Variants in LMBR1 observed in about 807,000 individuals in gnomAD.
LMBR1 encodes the protein limb region 1 protein homolog.
A neutral mutation model predicts 73.9 loss-of-function variants in LMBR1; 52 were observed. That is an observed-to-expected ratio of 0.70 (90% CI 0.56 to 0.89). The LOEUF (loss-of-function observed/expected upper bound fraction) is 0.89, where lower values mean the gene tolerates loss of function less well. Ranked by LOEUF, LMBR1 falls within the 40% of genes least tolerant of loss-of-function variation. The pLI is 0.00. For synonymous variants in LMBR1, 215 were observed against 209.4 expected (o/e 1.03, Z -0.23); for missense variants, 539 against 579.8 (o/e 0.93, Z 0.72).
At chr7:156,730,527 C>G (rs1042808152) in intron 10 of LMBR1, among the ~76,000 whole-genome samples, 1 of 152,182 alleles carries the variant, frequency 6.6e-6, no homozygotes, top group African/African-American at 2.4e-5. Flanking sequence ...TGATACGTCC[C>G]TACCGTAACT....
intron 1 of LMBR1, among the ~76,000 whole-genome samples, chr7:156,839,218 T>G (rs571887952): frequency 6.6e-6 from 1 of 151,846 alleles, no homozygotes; most frequent in East Asian, 1.9e-4. Context: ...CCTGGCTAAT[T>G]TTGTATTTTT....
At chr7:156,677,740 C>T (rs1804325140), downstream of LMBR1, 1 of 152,176 alleles carries the variant, frequency 6.6e-6, no homozygotes, top group Non-Finnish European at 1.5e-5. Flanking sequence ...TATATAGCTA[C>T]ATATGTATGT....
rs57071729 is a variant in LMBR1, at chr7:156,888,409, C to CA, written c.66+4518dup. 8.4e-3 allele frequency among the ~76,000 whole-genome samples: 771 copies of CA among 91,720 alleles called. 6 individuals carry two copies. Among genetic ancestry groups the CA allele is most frequent in the South Asian group, 0.023 (62 of 2,704 alleles). 60.2% of individuals were successfully genotyped at this position (91,720 alleles called of 152,430 possible). ...TGGGAAACACAGCGAGACTCTGTCT[C>CA]AAAAAAAAAAAAAAAAAAAATTAAA... On this transcript the variant is annotated intron_variant, in intron 1 of 16. Transcript: ENST00000353442.
In LMBR1 at chr7:156,678,216, C is replaced by G. The variant is rs1036614074; in HGVS notation, c.*5862G>C. ...AACCAAGTGCAGTACTTTACTGACA[C>G]AGGAACTAGTGTTAGTTGCAGGCAA... On this transcript the variant is annotated 3_prime_UTR_variant, in exon 17 of 17. Coordinates refer to ENST00000353442, the MANE Select transcript of LMBR1 (RefSeq NM_022458.4). 1.3e-5 allele frequency: 2 copies of G among 152,314 alleles called. No individual in the cohort carries two copies. Among genetic ancestry groups the G allele is most frequent in the African/African-American group, 4.8e-5 (2 of 41,566 alleles). 9.4% of individuals were successfully genotyped at this position (152,314 alleles called of 1,614,324 possible).
intron 4 of LMBR1, among the ~76,000 whole-genome samples, chr7:156,799,474 C>T (rs895171274): frequency 3.3e-5 from 5 of 152,088 alleles, no homozygotes; most frequent in South Asian, 2.1e-4. Flanking sequence ...TGTTTGGGGG[C>T]GCTGCAAATT....
In LMBR1 at chr7:156,678,475, TAGC is replaced by T. The variant is rs1181462135; in HGVS notation, c.*5600_*5602del. On this transcript the variant is annotated 3_prime_UTR_variant, in exon 17 of 17. Coordinates refer to ENST00000353442, the MANE Select transcript of LMBR1 (RefSeq NM_022458.4). Reference sequence around the variant, plus strand: ...AACGCTAAAAAGGACCTGAATGAAGTAGCTACTTCTCTGGACAATTTGAAGATA... The same window carrying T: ...AACGCTAAAAAGGACCTGAATGAAGTTACTTCTCTGGACAATTTGAAGATA... 1 of 152,144 alleles carries T rather than the reference TAGC, an allele frequency of 6.6e-6. No homozygotes were observed. The highest frequency in any genetic ancestry group is 1.5e-5 in the Non-Finnish European group (1 of 68,028). 9.4% of individuals were successfully genotyped at this position (152,144 alleles called of 1,614,324 possible).
Position 156,763,100 on chromosome 7 carries a change from A to C in LMBR1, c.619+8T>G. On this transcript the variant is annotated splice_region_variant and intron_variant, in intron 7 of 16. Transcript: ENST00000353442. ...TTTCTCTTAATATCAAGTCTGAAAAATACTTACAGAGAAGTAACAAACATC... is the reference window on the plus strand; with the variant it reads ...TTTCTCTTAATATCAAGTCTGAAAACTACTTACAGAGAAGTAACAAACATC... The C allele has an allele frequency of 7.6e-7, 1 of 1,318,492 alleles. No homozygotes were observed. The highest frequency in any genetic ancestry group is 1.1e-6 in the Non-Finnish European group (1 of 933,812). 81.7% of individuals were successfully genotyped at this position (1,318,492 alleles called of 1,614,324 possible). A position where few individuals can be genotyped will look rare whatever the true frequency, so the allele number is the denominator to read the frequency against.
chr7:156,859,446 T>C (rs569353026), intron 1 of LMBR1, among the ~76,000 whole-genome samples: 54 of 152,322 alleles, frequency 3.5e-4, no homozygotes, highest in African/African-American at 1.1e-3. Flanking sequence ...ATTGTTTATG[T>C]AGAAAATCCT....
chr7:156,838,610 C>T (rs967463153), intron 1 of LMBR1, among the ~76,000 whole-genome samples: 26 of 152,206 alleles, frequency 1.7e-4, no homozygotes, highest in Non-Finnish European at 4.4e-5. Context: ...TCTTGATCCA[C>T]TCATCTGCTG....
intron 1 of LMBR1, among the ~76,000 whole-genome samples, chr7:156,868,834 T>TG (rs372254053): frequency 6.6e-6 from 1 of 152,194 alleles, no homozygotes; most frequent in African/African-American, 2.4e-5. Context: ...GGCATGGTAG[T>TG]GCAAGCCTGT....
intron 15 of LMBR1, among the ~76,000 whole-genome samples, chr7:156,712,104 G>A (rs1314911410): frequency 1.3e-5 from 2 of 152,122 alleles, no homozygotes; most frequent in African/African-American, 4.8e-5. Flanking sequence ...GCATCCAACA[G>A]CAGACTGATA....
At chr7:156,837,524 TAA>T (rs1312743417) in intron 1 of LMBR1, among the ~76,000 whole-genome samples, 2 of 150,284 alleles carry the variant, frequency 1.3e-5, no homozygotes, top group African/African-American at 4.9e-5. Flanking sequence ...CTCTGAAAAA[TAA>T]AGTCAACTGG....
chr7:156,727,314 AAGGGGG>A (rs1053625910), intron 12 of LMBR1, among the ~76,000 whole-genome samples: 2 of 152,158 alleles, frequency 1.3e-5, no homozygotes, highest in Non-Finnish European at 2.9e-5. Context: ...ACTAAGCACT[AAGGGGG>A]ATGGGTACAA....
Position 156,681,220 on chromosome 7 carries a change from G to C in LMBR1, c.*2858C>G. 1 of 446,254 alleles carries C rather than the reference G, an allele frequency of 2.2e-6. No homozygotes were observed. Among genetic ancestry groups the C allele is most frequent in the Non-Finnish European group, 4.5e-6 (1 of 224,318 alleles). The allele number at this position is 446,254 out of a possible 1,614,324, so 27.6% of individuals were successfully genotyped here. ...GAGGTCATCACTGAGGCTGCAGGGA[G>C]GGCCATGGGCACCCAGCAGATGGGG... On this transcript the variant is annotated 3_prime_UTR_variant, in exon 17 of 17. Transcript: ENST00000353442.
At chr7:156,865,874 G>T (rs1218365976) in intron 1 of LMBR1, among the ~76,000 whole-genome samples, 1 of 152,024 alleles carries the variant, frequency 6.6e-6, no homozygotes. Flanking sequence ...GGAACAACTG[G>T]ATATCCATAT....
chr7:156,721,781 T>C (rs1400165898), intron 15 of LMBR1, among the ~76,000 whole-genome samples: 1 of 152,142 alleles, frequency 6.6e-6, no homozygotes, highest in Non-Finnish European at 1.5e-5. Context: ...CACAACTTAA[T>C]TCTTTGTGGC....
intron 4 of LMBR1, among the ~76,000 whole-genome samples, chr7:156,811,502 G>A (rs1049891036): frequency 7.2e-5 from 11 of 152,108 alleles, no homozygotes; most frequent in African/African-American, 1.9e-4. Flanking sequence ...CCAGCTACTC[G>A]GGAGGCTGAG....
intron 1 of LMBR1, among the ~76,000 whole-genome samples, chr7:156,844,826 G>A (rs1382385639): frequency 6.6e-6 from 1 of 152,200 alleles, no homozygotes; most frequent in Non-Finnish European, 1.5e-5. Context: ...CTTTAGTCCT[G>A]ATGCTGCTGA....
intron 1 of LMBR1, among the ~76,000 whole-genome samples, chr7:156,857,128 A>G (rs974234762): frequency 3.3e-5 from 5 of 152,200 alleles, no homozygotes; most frequent in Admixed American, 6.5e-5. Flanking sequence ...ACAATAGAAA[A>G]TAGTTAAAAC....
Sources: gnomAD v4.1 joint callset for allele counts (sites outside exome capture counted in the v4.1 genomes callset) on GRCh38, gnomAD v4.1.1 for gene constraint, MANE v1.5 for transcripts, NCBI Gene and HGNC (gene_info 2026-07-23, HGNC 2026-07-21) for gene names.